Variants in ABCC5 observed in about 807,000 individuals in gnomAD.
ABCC5 encodes ATP binding cassette subfamily C member 5, also known as ATP-binding cassette sub-family C member 5.
ABCC5 carries 61 observed loss-of-function variants against 160.9 expected under a neutral mutation model. The observed-to-expected ratio is 0.38, with a 90% confidence interval of 0.31 to 0.47. ABCC5 has a LOEUF of 0.47. ABCC5 is among the 20% of genes least tolerant of loss of function. The pLI is 0.99. For missense variants in ABCC5, 1,308 were observed against 1,813.3 expected (o/e 0.72, Z 5.06); for synonymous variants, 666 against 700.6 (o/e 0.95, Z 0.78).
At position 183,977,539 on chromosome 3, in the gene ABCC5, G is replaced by T; in HGVS notation, c.1382C>A (p.Ser461Ter). 1 of 1,613,924 alleles carries T rather than the reference G, an allele frequency of 6.2e-7. No individual in the cohort carries two copies. Among genetic ancestry groups the T allele is most frequent in the Non-Finnish European group, 8.5e-7 (1 of 1,179,828 alleles). The change falls in exon 10 of 30, where the codon TCA becomes TAA. Residue 461 changes from serine (S) to a stop codon, truncating the protein, a stop_gained. Transcript: ENST00000334444. LOFTEE classifies it high-confidence loss of function. ...TACCTTAAATCTGTCAACAGCCACT[G>T]AGGCTTCTGAGAGGGACTTTACTGA... is the stretch of plus-strand genomic sequence containing the variant. ...PFSVKSLSEA[S>*]VAVDRFKSLF... is the part of the protein sequence containing the mutation.
At chr3:183,935,418 G>A (rs1713606586) in intron 26 of ABCC5, among the ~76,000 whole-genome samples, 1 of 151,800 alleles carries the variant, frequency 6.6e-6, no homozygotes, top group African/African-American at 2.4e-5. Flanking sequence ...CTGACCTCGT[G>A]ATCCGCCCGC....
intron 5 of ABCC5, chr3:183,984,202 T>A: frequency 1.0e-6 from 1 of 985,460 alleles, no homozygotes; most frequent in Non-Finnish European, 1.2e-6. Flanking sequence ...CGGGACAGAA[T>A]AAAAAATCCT....
chr3:184,014,524 A>AT, intron 1 of ABCC5, 77 bp from the exon 2 acceptor site: 4 of 764,948 alleles, frequency 5.2e-6, no homozygotes, highest in East Asian at 7.6e-5. Flanking sequence ...CCTTAAAAAT[A>AT]GGAAAAAAAA....
chr3:183,978,882 T>C (rs529572258), intron 8 of ABCC5, among the ~76,000 whole-genome samples: 1 of 152,340 alleles, frequency 6.6e-6, no homozygotes, highest in East Asian at 1.9e-4. Flanking sequence ...TCATCTTCTA[T>C]GATACCTTTT....
intron 2 of ABCC5, among the ~76,000 whole-genome samples, chr3:183,996,580 G>A (rs749341279): frequency 7.2e-5 from 11 of 152,184 alleles, no homozygotes; most frequent in African/African-American, 1.9e-4. Flanking sequence ...TGCCAGGCAA[G>A]TCTTCATTCC....
intron 2 of ABCC5, among the ~76,000 whole-genome samples, chr3:184,012,822 T>C (rs968379492): frequency 3.9e-5 from 6 of 152,180 alleles, no homozygotes; most frequent in Non-Finnish European, 7.3e-5. Flanking sequence ...GGAAAAGCAT[T>C]CTATAATACA....
At chr3:184,004,302 G>A (rs879470863) in intron 2 of ABCC5, among the ~76,000 whole-genome samples, 1 of 151,648 alleles carries the variant, frequency 6.6e-6, no homozygotes, top group Non-Finnish European at 1.5e-5. Context: ...CTTGAGGTCA[G>A]GACTCGAGAC....
chr3:184,016,954 A>C (rs1207870691), intron 1 of ABCC5, among the ~76,000 whole-genome samples: 4 of 152,190 alleles, frequency 2.6e-5, no homozygotes, highest in African/African-American at 9.6e-5. Context: ...CATCACCTCC[A>C]GGCCCTCAAG....
Position 183,990,084 on chromosome 3 carries a change from T to C in ABCC5, c.130-701A>G, listed in dbSNP as rs188467469. ...TCCCAAAGTGCTGGGATTACAGGCA[T>C]GAGCCACCGCGCCCGGCCCTGTTTT... On this transcript the variant is annotated intron_variant, in intron 2 of 29. Transcript: ENST00000334444. Among the ~76,000 whole-genome samples, 89 of 151,982 alleles carry C rather than the reference T, an allele frequency of 5.9e-4. No homozygotes were observed. In the East Asian group the frequency reaches 0.014, roughly 23 times the overall value.
chr3:183,957,692 G>A (rs1388066306), intron 17 of ABCC5, among the ~76,000 whole-genome samples: 1 of 151,706 alleles, frequency 6.6e-6, no homozygotes, highest in Non-Finnish European at 1.5e-5. Context: ...AGATCCGTGT[G>A]TATATCACAT....
intron 1 of ABCC5, among the ~76,000 whole-genome samples, chr3:184,016,592 C>G (rs1037730568): frequency 6.6e-6 from 1 of 152,190 alleles, no homozygotes; most frequent in Non-Finnish European, 1.5e-5. Context: ...TTCTCGTGTC[C>G]TCCTTTAAAG....
intron 25 of ABCC5, chr3:183,942,456 C>T: frequency 4.9e-6 from 3 of 616,142 alleles, no homozygotes; most frequent in Non-Finnish European, 9.1e-6. Context: ...GTGCTTCTCT[C>T]TGGGTAGCAG....
intron 5 of ABCC5, chr3:183,985,725 T>TA (rs1428341210): frequency 5.7e-6 from 2 of 353,264 alleles, no homozygotes; most frequent in East Asian, 6.7e-5. Context: ...ACCACACTGT[T>TA]AGAGATTCTG....
chr3:183,999,020 G>A (rs920437729), intron 2 of ABCC5, among the ~76,000 whole-genome samples: 3 of 151,700 alleles, frequency 2.0e-5, no homozygotes, highest in African/African-American at 4.8e-5. Flanking sequence ...AACCTGGGAG[G>A]TGCAGGTTGC....
chr3:183,922,368 C>T (rs950358332), intron 29 of ABCC5, among the ~76,000 whole-genome samples: 17 of 151,848 alleles, frequency 1.1e-4, no homozygotes, highest in African/African-American at 3.9e-4. Flanking sequence ...AGCGAAACTC[C>T]GTCTCAAAAA....
At chr3:183,945,723 G>A in intron 24 of ABCC5, 127 bp downstream of exon 24, 2 of 750,778 alleles carry the variant, frequency 2.7e-6, no homozygotes, top group African/African-American at 1.7e-5. Context: ...AGAGATTGCT[G>A]GAGATTCTGT....
chr3:183,953,766 C>T (rs1171818999), intron 17 of ABCC5, among the ~76,000 whole-genome samples: 1 of 152,114 alleles, frequency 6.6e-6, no homozygotes, highest in Admixed American at 6.5e-5. Flanking sequence ...GCAGAGAAAA[C>T]AACACAAGCA....
chr3:183,940,014 T>C (rs1006807869), intron 25 of ABCC5, among the ~76,000 whole-genome samples: 2 of 152,116 alleles, frequency 1.3e-5, no homozygotes, highest in Non-Finnish European at 2.9e-5. Flanking sequence ...CCCCTGGGCA[T>C]ACCTCTGTCT....
intron 12 of ABCC5, chr3:183,967,357 T>G (rs1577553604): frequency 3.3e-6 from 1 of 298,908 alleles, no homozygotes; most frequent in East Asian, 8.4e-5. Context: ...CGCTGCAGTG[T>G]AGGGTGTCTG....
Sources: gnomAD v4.1 joint callset for allele counts (sites outside exome capture counted in the v4.1 genomes callset) on GRCh38, gnomAD v4.1.1 for gene constraint, MANE v1.5 for transcripts, NCBI Gene and HGNC (gene_info 2026-07-23, HGNC 2026-07-21) for gene names.